The following GALNTL6 variants were observed in gnomAD, a reference collection of about 807,000 sequenced individuals.
The protein encoded by GALNTL6 is polypeptide N-acetylgalactosaminyltransferase-like 6.
In GALNTL6, 46 loss-of-function variants were observed where a neutral mutation model predicts 73.7. The ratio of observed to expected loss-of-function variants is 0.62; its 90% CI spans 0.49 to 0.80. GALNTL6 has a LOEUF of 0.80. Among genes scored for constraint, GALNTL6 ranks in the 30% least tolerant of loss-of-function variants. GALNTL6 has a pLI of 0.00. For synonymous variants in GALNTL6, 259 were observed against 263.7 expected, an observed-to-expected ratio of 0.98 and a Z score of 0.17; for missense variants, 604 against 755.0, an observed-to-expected ratio of 0.80 and a Z score of 2.34.
In GALNTL6 at chr4:172,556,757, AAG is replaced by A. The variant is rs1736156738; in HGVS notation, c.553+208070_553+208071del. ...CTAGACCCACACCAAAAAAAAAAAA[AAG>A]AAGAACAAAGAAAAAAAATTACTGA... On this transcript the variant is annotated intron_variant, in intron 5 of 12. Coordinates refer to ENST00000506823, the MANE Select transcript of GALNTL6 (RefSeq NM_001034845.3). Among the ~76,000 whole-genome samples, 4 of 150,490 alleles carry A rather than the reference AAG, an allele frequency of 2.7e-5. No individual in the cohort carries two copies. The South Asian group carries it at 6.6e-4, about 25-fold the overall frequency.
chr4:172,940,423 C>T (rs936859271), intron 9 of GALNTL6, among the ~76,000 whole-genome samples: 3 of 151,734 alleles, frequency 2.0e-5, no homozygotes, highest in East Asian at 1.9e-4. Flanking sequence ...AGTGAAGTGG[C>T]GTGATCTTGG....
chr4:172,080,594 CTA>C (rs1731849968), intron 2 of GALNTL6, among the ~76,000 whole-genome samples: 1 of 151,324 alleles, frequency 6.6e-6, no homozygotes, highest in African/African-American at 2.4e-5. Flanking sequence ...ATAAATAGAC[CTA>C]TATATGTGTG....
chr4:173,025,917 A>G (rs1340000585), intron 12 of GALNTL6, among the ~76,000 whole-genome samples: 2 of 152,212 alleles, frequency 1.3e-5, no homozygotes, highest in Non-Finnish European at 2.9e-5. Flanking sequence ...GTTTCTGATC[A>G]TAAGATTTCC....
At chr4:172,007,350 A>G (rs1282117552) in intron 2 of GALNTL6, among the ~76,000 whole-genome samples, 5 of 152,090 alleles carry the variant, frequency 3.3e-5, no homozygotes, top group African/African-American at 4.8e-5. Flanking sequence ...TATGAACTAT[A>G]GCTGACATAT....
rs138064309 is a variant in GALNTL6 at position 172,727,360 on chromosome 4, G to A, written c.554-82001G>A. On this transcript the variant is annotated intron_variant, in intron 5 of 12. Coordinates refer to ENST00000506823, the MANE Select transcript of GALNTL6 (RefSeq NM_001034845.3). The stretch of plus-strand genomic sequence containing the variant: ...CAAGAGCTGCCAAATCTAAAGGAAG[G>A]ATAATTACTCACAAACTATAAACGA... Among the ~76,000 whole-genome samples, 704 of 152,224 alleles carry A rather than the reference G, an allele frequency of 4.6e-3. 8 individuals are homozygous for A. Among genetic ancestry groups the A allele is most frequent in the African/African-American group, 0.014 (568 of 41,536 alleles).
At chr4:172,538,121 G>T (rs149384216) in intron 5 of GALNTL6, among the ~76,000 whole-genome samples, 53 of 152,178 alleles carry the variant, frequency 3.5e-4, no homozygotes, top group African/African-American at 1.2e-3. Flanking sequence ...TTCATCATTG[G>T]CTGTATATAC....
At chr4:171,943,712 A>G (rs1193757019) in intron 2 of GALNTL6, among the ~76,000 whole-genome samples, 1 of 152,180 alleles carries the variant, frequency 6.6e-6, no homozygotes, top group African/African-American at 2.4e-5. Context: ...ACGCTTTCTC[A>G]GAAGAAAGAA....
At chr4:172,074,947 T>C (rs1238065415) in intron 2 of GALNTL6, among the ~76,000 whole-genome samples, 1 of 152,164 alleles carries the variant, frequency 6.6e-6, no homozygotes, top group Non-Finnish European at 1.5e-5. Flanking sequence ...AAAACTTGCT[T>C]TTCCATTTTT....
chr4:172,522,630 A>C (rs1409579300), intron 5 of GALNTL6, among the ~76,000 whole-genome samples: 1 of 147,564 alleles, frequency 6.8e-6, no homozygotes, highest in Non-Finnish European at 1.5e-5. Context: ...AGATTGCACC[A>C]TCGGACTCCA....
At chr4:172,397,895 CT>C (rs979327187) in intron 5 of GALNTL6, among the ~76,000 whole-genome samples, 2 of 152,002 alleles carry the variant, frequency 1.3e-5, no homozygotes, top group Admixed American at 6.6e-5. Context: ...TTATTTTTAT[CT>C]TTTCTAAATA....
At chr4:172,384,483 C>T (rs977828261) in intron 5 of GALNTL6, among the ~76,000 whole-genome samples, 1 of 151,846 alleles carries the variant, frequency 6.6e-6, no homozygotes, top group Non-Finnish European at 1.5e-5. Context: ...TTGTAATTTA[C>T]ATTTTCTCTC....
At chr4:172,160,497 A>G (rs1734422718) in intron 2 of GALNTL6, among the ~76,000 whole-genome samples, 1 of 152,074 alleles carries the variant, frequency 6.6e-6, no homozygotes, top group South Asian at 2.1e-4. Context: ...TAGAATAGTG[A>G]AGAAATGTGT....
chr4:172,919,901 T>TC (rs1747712361), intron 8 of GALNTL6, among the ~76,000 whole-genome samples: 1 of 152,224 alleles, frequency 6.6e-6, no homozygotes, highest in East Asian at 1.9e-4. Flanking sequence ...TTTTTAAGTT[T>TC]CATTCCCCGC....
chr4:171,882,885 C>T (rs1464609185), intron 2 of GALNTL6, among the ~76,000 whole-genome samples: 5 of 152,210 alleles, frequency 3.3e-5, no homozygotes, highest in Admixed American at 2.6e-4. Context: ...TGTAGAAGGA[C>T]TTTCCAGGAA....
intron 5 of GALNTL6, among the ~76,000 whole-genome samples, chr4:172,354,389 G>T (rs1023685097): frequency 3.1e-4 from 47 of 152,200 alleles, no homozygotes; most frequent in Middle Eastern, 3.4e-3. Flanking sequence ...AAGATTATAT[G>T]CCAAAGAATG....
intron 5 of GALNTL6, among the ~76,000 whole-genome samples, chr4:172,503,109 T>C (rs1019905809): frequency 1.3e-5 from 2 of 152,160 alleles, no homozygotes; most frequent in East Asian, 3.9e-4. Flanking sequence ...AGTCACATTG[T>C]CGTGATGTGG....
At chr4:172,886,288 A>C (rs1043127179) in intron 8 of GALNTL6, among the ~76,000 whole-genome samples, 1 of 152,148 alleles carries the variant, frequency 6.6e-6, no homozygotes, top group Non-Finnish European at 1.5e-5. Flanking sequence ...ATTTACAAGA[A>C]TTTATCTACT....
At chr4:172,690,931 G>T (rs1159016812) in intron 5 of GALNTL6, among the ~76,000 whole-genome samples, 2 of 152,156 alleles carry the variant, frequency 1.3e-5, no homozygotes, top group Non-Finnish European at 1.5e-5. Flanking sequence ...TCTGTAGAGG[G>T]AGTATTGTAG....
At chr4:172,476,595 C>G (rs916760188) in intron 5 of GALNTL6, among the ~76,000 whole-genome samples, 2 of 152,140 alleles carry the variant, frequency 1.3e-5, no homozygotes, top group Non-Finnish European at 2.9e-5. Context: ...TAAGCAACCG[C>G]GTCATCGTAT....
Sources: gnomAD v4.1 joint callset for allele counts (sites outside exome capture counted in the v4.1 genomes callset) on GRCh38, gnomAD v4.1.1 for gene constraint, MANE v1.5 for transcripts, NCBI Gene and HGNC (gene_info 2026-07-23, HGNC 2026-07-21) for gene names.